The following ROBO1 variants were observed in gnomAD, a reference collection of about 807,000 sequenced individuals.
ROBO1 encodes the protein roundabout homolog 1.
ROBO1 carries 149 observed loss-of-function variants against 195.9 expected under a neutral mutation model. The ratio of observed to expected loss-of-function variants is 0.76; its 90% CI spans 0.67 to 0.87. ROBO1 has a LOEUF of 0.87. Among genes scored for constraint, ROBO1 ranks in the 40% least tolerant of loss-of-function variants. The pLI is 0.00. For synonymous variants in ROBO1, 816 were observed against 733.2 expected, an observed-to-expected ratio of 1.11 and a Z score of -1.82; for missense variants, 1,933 against 2,068.3, an observed-to-expected ratio of 0.93 and a Z score of 1.27.
At chr3:78,637,806 T>C (rs1705616005) in intron 22 of ROBO1, among the ~76,000 whole-genome samples, 1 of 152,192 alleles carries the variant, frequency 6.6e-6, no homozygotes, top group Non-Finnish European at 1.5e-5. Flanking sequence ...GGATTCGCTT[T>C]AAGGGCAGAC....
At chr3:79,730,926 C>T (rs541511169) in intron 1 of ROBO1, among the ~76,000 whole-genome samples, 8 of 151,756 alleles carry the variant, frequency 5.3e-5, no homozygotes, top group African/African-American at 9.7e-5. Context: ...TACAGGTGCC[C>T]GCCACCACGC....
chr3:79,550,811 T>C (rs1032127867), intron 2 of ROBO1, among the ~76,000 whole-genome samples: 11 of 152,268 alleles, frequency 7.2e-5, no homozygotes, highest in African/African-American at 2.6e-4. Flanking sequence ...TTTGGAGATG[T>C]TGTGACAAAA....
chr3:78,683,901 C>G (rs907027324), intron 10 of ROBO1, among the ~76,000 whole-genome samples: 3 of 151,188 alleles, frequency 2.0e-5, no homozygotes, highest in African/African-American at 7.3e-5. Flanking sequence ...AGTAAACACA[C>G]TAATCATAAA....
At chr3:78,885,192 G>T (rs564681430) in intron 4 of ROBO1, among the ~76,000 whole-genome samples, 16 of 151,724 alleles carry the variant, frequency 1.1e-4, no homozygotes, top group Non-Finnish European at 1.3e-4. Context: ...CTCACTTATA[G>T]GTGGAAACTA....
intron 2 of ROBO1, among the ~76,000 whole-genome samples, chr3:79,468,408 CACA>C (rs976757629): frequency 6.6e-5 from 10 of 152,116 alleles, no homozygotes; most frequent in Admixed American, 4.6e-4. Context: ...AGTCACATGT[CACA>C]ACAAGATTTG....
chr3:79,595,136 T>G (rs1944125159), intron 1 of ROBO1, among the ~76,000 whole-genome samples: 1 of 151,888 alleles, frequency 6.6e-6, no homozygotes, highest in Non-Finnish European at 1.5e-5. Context: ...TGCACACATA[T>G]GCATGTGTTG....
chr3:79,743,807 C>G (rs888961097), intron 1 of ROBO1, among the ~76,000 whole-genome samples: 1 of 152,172 alleles, frequency 6.6e-6, no homozygotes, highest in South Asian at 2.1e-4. Context: ...ATCCAGGATC[C>G]GGGTCATCAA....
chr3:79,160,672 G>A (rs1294225289), intron 2 of ROBO1, among the ~76,000 whole-genome samples: 3 of 151,988 alleles, frequency 2.0e-5, no homozygotes, highest in African/African-American at 7.2e-5. Flanking sequence ...TCAACTAGTT[G>A]TCCAAAAAAA....
intron 1 of ROBO1, among the ~76,000 whole-genome samples, chr3:79,754,597 A>G (rs144754870): frequency 2.3e-4 from 35 of 152,332 alleles, no homozygotes; most frequent in Non-Finnish European, 4.6e-4. Flanking sequence ...TTCCCACTCT[A>G]TCATTCTTTC....
At chr3:78,789,711 G>A (rs1380587511) in intron 4 of ROBO1, among the ~76,000 whole-genome samples, 1 of 152,146 alleles carries the variant, frequency 6.6e-6, no homozygotes, top group Non-Finnish European at 1.5e-5. Context: ...CACTGCTTCA[G>A]TTTTCCAGTG....
intron 1 of ROBO1, among the ~76,000 whole-genome samples, chr3:79,754,258 T>C (rs1354209544): frequency 6.6e-6 from 1 of 152,168 alleles, no homozygotes; most frequent in Non-Finnish European, 1.5e-5. Flanking sequence ...ATATTTTATA[T>C]GCAATGTTAG....
intron 2 of ROBO1, among the ~76,000 whole-genome samples, chr3:79,500,906 A>ATATTCAGAATATAACC (rs1559944945): frequency 1.3e-5 from 2 of 152,146 alleles, no homozygotes; most frequent in African/African-American, 4.8e-5. Flanking sequence ...TTACGTTGGC[A>ATATTCAGAATATAACC]TATTCAGAAT....
intron 1 of ROBO1, among the ~76,000 whole-genome samples, chr3:79,624,573 A>G (rs1053696197): frequency 6.6e-6 from 1 of 152,216 alleles, no homozygotes; most frequent in African/African-American, 2.4e-5. Context: ...AACAGACTTT[A>G]AACCAACAGA....
intron 2 of ROBO1, among the ~76,000 whole-genome samples, chr3:79,503,246 A>G (rs936385978): frequency 1.3e-5 from 2 of 152,204 alleles, no homozygotes; most frequent in African/African-American, 4.8e-5. Flanking sequence ...TAAGAGCTGT[A>G]ACACTCACCA....
chr3:79,724,028 T>G (rs1463772267), intron 1 of ROBO1, among the ~76,000 whole-genome samples: 1 of 152,204 alleles, frequency 6.6e-6, no homozygotes, highest in Non-Finnish European at 1.5e-5. Flanking sequence ...TAAAGGATTT[T>G]GGCTTAAACT....
At chr3:78,754,949 C>G (rs2082890641) in intron 4 of ROBO1, among the ~76,000 whole-genome samples, 1 of 152,052 alleles carries the variant, frequency 6.6e-6, no homozygotes, top group Non-Finnish European at 1.5e-5. Flanking sequence ...ACTGGAAAAG[C>G]CTTGGATGCC....
chr3:78,707,524 A>G (rs2081581494), intron 8 of ROBO1, among the ~76,000 whole-genome samples: 1 of 152,262 alleles, frequency 6.6e-6, no homozygotes, highest in Non-Finnish European at 1.5e-5. Flanking sequence ...TTAAAGCAAT[A>G]GCAACATAAT....
intron 2 of ROBO1, among the ~76,000 whole-genome samples, chr3:79,515,135 C>T (rs1474130853): frequency 6.6e-6 from 1 of 152,124 alleles, no homozygotes; most frequent in Non-Finnish European, 1.5e-5. Flanking sequence ...GGCTTCATGG[C>T]TCATGGCAGC....
At chr3:79,176,045 A>G (rs1320865731) in intron 2 of ROBO1, among the ~76,000 whole-genome samples, 1 of 152,184 alleles carries the variant, frequency 6.6e-6, no homozygotes, top group African/African-American at 2.4e-5. Context: ...GGGTGGGGCC[A>G]ATCTGGTTTA....
Sources: allele counts gnomAD v4.1 joint callset (sites outside exome capture counted in the v4.1 genomes callset), GRCh38; gene constraint gnomAD v4.1.1; transcripts MANE v1.5; gene names NCBI Gene and HGNC (gene_info 2026-07-23, HGNC 2026-07-21).